MTSS1: variants seen among roughly 807,000 people sequenced by gnomAD.
MTSS1 encodes protein MTSS 1.
MTSS1 carries 18 observed loss-of-function variants against 79.0 expected under a neutral mutation model. That is an observed-to-expected ratio of 0.23 (90% confidence interval 0.16 to 0.34). MTSS1 has a LOEUF of 0.34. MTSS1 is among the 10% of genes least tolerant of loss of function. The pLI, the probability that MTSS1 is intolerant of heterozygous loss-of-function variation, is 1.00. For missense variants in MTSS1, 815 were observed against 986.2 expected, an observed-to-expected ratio of 0.83 and a Z score of 2.33; for synonymous variants, 341 against 368.6, an observed-to-expected ratio of 0.93 and a Z score of 0.86.
chr8:124,605,954 A>AAC (rs1326404751), intron 3 of MTSS1, among the ~76,000 whole-genome samples: 4 of 145,684 alleles, frequency 2.7e-5, no homozygotes, highest in African/African-American at 1.0e-4. Flanking sequence ...ATTATAAAGT[A>AAC]GGTATCTCAT....
At chr8:124,651,673 G>A (rs1820001621) in intron 3 of MTSS1, among the ~76,000 whole-genome samples, 1 of 152,138 alleles carries the variant, frequency 6.6e-6, no homozygotes, top group African/African-American at 2.4e-5. Flanking sequence ...TCTCCACCCA[G>A]TCAGACAGTA....
At chr8:124,710,688 G>C (rs1486187185) in intron 1 of MTSS1, among the ~76,000 whole-genome samples, 1 of 88,196 alleles carries the variant, frequency 1.1e-5, no homozygotes, top group East Asian at 2.4e-4. Context: ...GAGAATAACT[G>C]TGTGTAGCTC....
chr8:124,678,433 G>A (rs1429294073), intron 3 of MTSS1, among the ~76,000 whole-genome samples: 1 of 152,140 alleles, frequency 6.6e-6, no homozygotes, highest in Non-Finnish European at 1.5e-5. Context: ...AATTTATAAA[G>A]AAAAAGAGAT....
chr8:124,600,997 A>G lies in MTSS1; in HGVS notation c.209-9762T>C, dbSNP rs369472256. ...CTGCCCCCACCCCTTCAAAACAGGA[A>G]GGCCGTTGCCCTTGGCTGAACAGCT... On this transcript the variant is annotated intron_variant, in intron 3 of 13. Coordinates refer to ENST00000518547, the MANE Select transcript of MTSS1 (RefSeq NM_014751.6). Among the ~76,000 whole-genome samples, 6 of 151,866 alleles carry G rather than the reference A, an allele frequency of 4.0e-5. No homozygotes were observed. In the East Asian group the frequency reaches 1.2e-3, roughly 29 times the overall value.
intron 3 of MTSS1, among the ~76,000 whole-genome samples, chr8:124,639,314 C>A (rs147042233): frequency 6.6e-6 from 1 of 152,020 alleles, no homozygotes; most frequent in Non-Finnish European, 1.5e-5. Context: ...CTCTAGCCTG[C>A]GCCACAAAGC....
At chr8:124,726,247 C>T (rs1833685772) in intron 1 of MTSS1, among the ~76,000 whole-genome samples, 1 of 152,198 alleles carries the variant, frequency 6.6e-6, no homozygotes, top group Admixed American at 6.5e-5. Context: ...GGCAGGTCAC[C>T]TTCTGAACGG....
At chr8:124,688,209 GTA>G (rs1203758410) in intron 3 of MTSS1, among the ~76,000 whole-genome samples, 7 of 151,930 alleles carry the variant, frequency 4.6e-5, no homozygotes, top group South Asian at 2.1e-4. Flanking sequence ...TATGTTGTGT[GTA>G]TATATGCGTG....
At chr8:124,699,688 G>T in intron 2 of MTSS1, 89 bp from the exon 3 acceptor site, 2 of 1,187,028 alleles carry the variant, frequency 1.7e-6, no homozygotes, top group South Asian at 1.3e-5. Flanking sequence ...CTGCTAAGGA[G>T]TACATGTAAC....
At chr8:124,589,577 C>T (rs1034820630) in intron 5 of MTSS1, 43 bp downstream of exon 5, 6 of 1,495,212 alleles carry the variant, frequency 4.0e-6, no homozygotes, top group African/African-American at 2.9e-5. Flanking sequence ...TCCCACAGCG[C>T]CCCCCAGCGT....
At chr8:124,718,384 G>T (rs912112054) in intron 1 of MTSS1, among the ~76,000 whole-genome samples, 2 of 151,984 alleles carry the variant, frequency 1.3e-5, no homozygotes, top group African/African-American at 4.8e-5. Flanking sequence ...ACTTCTGGTT[G>T]CAGGATGACC....
chr8:124,706,541 T>C (rs1032987548), intron 1 of MTSS1, among the ~76,000 whole-genome samples: 2 of 152,144 alleles, frequency 1.3e-5, no homozygotes, highest in Admixed American at 1.3e-4. Context: ...CAAGCACAGG[T>C]TTCTGGATTT....
intron 6 of MTSS1, among the ~76,000 whole-genome samples, chr8:124,579,063 TTC>T (rs1413065678): frequency 1.3e-5 from 2 of 152,206 alleles, no homozygotes; most frequent in African/African-American, 4.8e-5. Context: ...TTGCAGAGAT[TTC>T]TCTTTGAAAG....
rs1318185736 is a variant in MTSS1 at position 124,557,729 on chromosome 8, G to A, written c.1182C>T (p.Tyr394=). 1.9e-6 allele frequency: 3 copies of A among 1,599,612 alleles called. No individual in the cohort carries two copies. Among genetic ancestry groups the A allele is most frequent in the African/African-American group, 2.7e-5 (2 of 74,600 alleles). ...SVHLPDYAHY[Y]TIGPGMFPSS... ...ACGGGAACATGCCGGGCCCAATGGT[G>A]TAATAATGAGCGTAGTCTGGAAGGT... Residue 394 remains tyrosine (Y), a synonymous_variant, in exon 11 of 14, where the codon TAC becomes TAT. Coordinates refer to ENST00000518547, the MANE Select transcript of MTSS1 (RefSeq NM_014751.6).
chr8:124,636,909 T>A (rs1817104338), intron 3 of MTSS1, among the ~76,000 whole-genome samples: 1 of 152,208 alleles, frequency 6.6e-6, no homozygotes, highest in African/African-American at 2.4e-5. Context: ...CTGCCGAAAT[T>A]ATCCTCTCCC....
intron 3 of MTSS1, among the ~76,000 whole-genome samples, chr8:124,690,408 G>A (rs1827756594): frequency 6.6e-6 from 1 of 152,186 alleles, no homozygotes; most frequent in African/African-American, 2.4e-5. Context: ...CCCTGCTGGA[G>A]GATTATAGAA....
Position 124,592,867 on chromosome 8 carries a change from G to A in MTSS1, c.209-1632C>T, listed in dbSNP as rs879391487. Among the ~76,000 whole-genome samples the A allele has an allele frequency of 4.6e-5, 7 of 152,292 alleles. No individual in the cohort carries two copies. In the East Asian group the frequency reaches 7.7e-4, roughly 17 times the overall value. On this transcript the variant is annotated intron_variant, in intron 3 of 13. Transcript: ENST00000518547. ...CTCTACCCACCAGAAGTCAACAGCA[G>A]ACTTCCTTTAACCTCACCTCCAGAC...
chr8:124,611,899 A>G (rs530661373), intron 3 of MTSS1, among the ~76,000 whole-genome samples: 1 of 152,284 alleles, frequency 6.6e-6, no homozygotes, highest in East Asian at 1.9e-4. Flanking sequence ...TGAAGATGGC[A>G]CCTGTGAACA....
intron 3 of MTSS1, among the ~76,000 whole-genome samples, chr8:124,615,178 A>G (rs1443290131): frequency 2.0e-5 from 3 of 152,168 alleles, no homozygotes; most frequent in Non-Finnish European, 4.4e-5. Context: ...TGAGAGGATT[A>G]GGTTAGAGCA....
chr8:124,611,176 G>A (rs1348314974), intron 3 of MTSS1, among the ~76,000 whole-genome samples: 1 of 150,788 alleles, frequency 6.6e-6, no homozygotes, highest in Non-Finnish European at 1.5e-5. Context: ...TTCTCCCAGG[G>A]CCCTGCCCAT....
Sources: allele counts gnomAD v4.1 joint callset (sites outside exome capture counted in the v4.1 genomes callset), GRCh38; gene constraint gnomAD v4.1.1; transcripts MANE v1.5; gene names NCBI Gene and HGNC (gene_info 2026-07-23, HGNC 2026-07-21).